Variants in ACTR8 observed in about 807,000 individuals in gnomAD.
The protein encoded by ACTR8 is actin-related protein 8.
A neutral mutation model predicts 84.3 loss-of-function variants in ACTR8; 70 were observed. That is an observed-to-expected ratio of 0.83 (90% CI 0.68 to 1.01). ACTR8 has a LOEUF of 1.01. ACTR8 is among the 50% of genes least tolerant of loss of function. ACTR8 has a pLI of 0.00. For missense variants in ACTR8, 672 were observed against 775.4 expected (o/e 0.87, Z 1.58); for synonymous variants, 268 against 275.2 (o/e 0.97, Z 0.26).
At chr3:53,877,048 G>A (rs1356425613) in intron 5 of ACTR8, among the ~76,000 whole-genome samples, 166 bp downstream of exon 5, 1 of 150,882 alleles carries the variant, frequency 6.6e-6, no homozygotes, top group Non-Finnish European at 1.5e-5. Context: ...GCACCAGAAG[G>A]GAATTAAGTG....
intron 7 of ACTR8, 59 bp from the exon 8 acceptor site, chr3:53,874,423 G>A (rs2107062096): frequency 6.5e-7 from 1 of 1,541,474 alleles, no homozygotes; most frequent in South Asian, 1.2e-5. Context: ...TGCAAAAGGT[G>A]TTTGAAGAAA....
Position 53,873,003 on chromosome 3 carries a change from A to G in ACTR8, c.1161+29T>C, listed in dbSNP as rs762458134. On this transcript the variant is annotated intron_variant, in intron 9 of 12. Transcript: ENST00000335754. Reference sequence around the variant, plus strand: ...ATTGAACCTGGATAACTTTCTTTCTACCCATGGAAACAGATACCTATAAGT... The same window carrying G: ...ATTGAACCTGGATAACTTTCTTTCTGCCCATGGAAACAGATACCTATAAGT... 8 of 1,526,928 alleles carry G rather than the reference A, an allele frequency of 5.2e-6. No homozygotes were observed. The South Asian group carries it at 9.2e-5, about 18-fold the overall frequency. 94.6% of individuals were successfully genotyped at this position (1,526,928 alleles called of 1,614,324 possible).
downstream of ACTR8, chr3:53,864,915 A>C: frequency 1.2e-6 from 2 of 1,614,252 alleles, no homozygotes; most frequent in South Asian, 2.2e-5. Context: ...AGAAAAAGAA[A>C]ATAGCAGAGA....
Position 53,869,992 on chromosome 3 carries a change from G to A in ACTR8, c.1721C>T (p.Thr574Ile). Residue 574 changes from threonine (T) to isoleucine (I), a missense_variant, in exon 12 of 13, where the codon ACA becomes ATA. Coordinates refer to ENST00000335754, the MANE Select transcript of ACTR8 (RefSeq NM_022899.5). ...RRIIENVDVI[T>I]RPKDMDPRLI... ...AATGAAACAACCTACCTTAGGCCTTGTGATCACATCCACATTTTCAATAAT... is the reference window on the plus strand; with the variant it reads ...AATGAAACAACCTACCTTAGGCCTTATGATCACATCCACATTTTCAATAAT... 6.2e-7 allele frequency: 1 copy of A among 1,614,122 alleles called. No individual in the cohort carries two copies.
rs1443457698 is a variant in ACTR8 at position 53,881,975 on chromosome 3, G to A, written c.123+4C>T. 6 of 1,554,764 alleles carry A rather than the reference G, an allele frequency of 3.9e-6. No homozygotes were observed. The highest frequency in any genetic ancestry group is 1.7e-4 in the Middle Eastern group (1 of 6,012). ...AAAGAGTTCCAACCCAGCCAGAGCCGCACCTCTTGCAGCGACTCCGGCACC... is the reference window on the plus strand; with the variant it reads ...AAAGAGTTCCAACCCAGCCAGAGCCACACCTCTTGCAGCGACTCCGGCACC... On this transcript the variant is annotated splice_donor_region_variant and intron_variant, in intron 1 of 12. Coordinates refer to ENST00000335754, the MANE Select transcript of ACTR8 (RefSeq NM_022899.5).
In ACTR8 at chr3:53,870,608, G is replaced by A. The variant is rs1284940946; in HGVS notation, c.1568-463C>T. Among the ~76,000 whole-genome samples the A allele has an allele frequency of 3.3e-5, 5 of 152,074 alleles. No homozygotes were observed. The highest frequency in any genetic ancestry group is 7.2e-5 in the African/African-American group (3 of 41,404). On this transcript the variant is annotated intron_variant, in intron 11 of 12. Coordinates refer to ENST00000335754, the MANE Select transcript of ACTR8 (RefSeq NM_022899.5). This position sits in a 1 kb window ranked among gnomAD's most constrained non-coding sequence, Gnocchi z 4.1. ...AGAGGTTGTGGTGAGCCGCAATCAC[G>A]CCATTGCACTCTAGCCTGGGCAATG...
intron 1 of ACTR8, chr3:53,881,584 C>T (rs1700060869): frequency 6.7e-6 from 2 of 299,570 alleles, no homozygotes; most frequent in Non-Finnish European, 6.3e-6. Context: ...CAGGCTGACG[C>T]TCCCAGTGAG....
rs563160137 is a variant in ACTR8, at chr3:53,868,697, G to A, written c.*22C>T. On this transcript the variant is annotated 3_prime_UTR_variant, in exon 13 of 13. Transcript: ENST00000335754. ...ACCAAGAAGCTTGTTTTTGGTCTTC[G>A]GCAGTGACATTTCCTCCCCATTCAC... 12 of 1,610,360 alleles carry A rather than the reference G, an allele frequency of 7.5e-6. No individual in the cohort carries two copies. The highest frequency in any genetic ancestry group is 4.0e-5 in the African/African-American group (3 of 74,750).
the ACTR8 span, chr3:53,861,296 CTTTTT>C: frequency 6.7e-6 from 1 of 149,706 alleles, no homozygotes; most frequent in East Asian, 2.0e-4. Context: ...GCAAAAAAAA[CTTTTT>C]TTTTTCATTA....
At chr3:53,877,540 G>T in intron 4 of ACTR8, 107 bp downstream of exon 4, 1 of 1,332,202 alleles carries the variant, frequency 7.5e-7, no homozygotes, top group Non-Finnish European at 1.0e-6. Flanking sequence ...CTCAAAGCAG[G>T]GTTATAGAAC....
chr3:53,879,175 A>AT (rs1458236233), intron 2 of ACTR8, among the ~76,000 whole-genome samples: 1 of 152,232 alleles, frequency 6.6e-6, no homozygotes, highest in Non-Finnish European at 1.5e-5. Flanking sequence ...TTTATTTCTT[A>AT]AACGTACTCC....
At chr3:53,864,878 G>T, downstream of ACTR8, 1 of 1,614,198 alleles carries the variant, frequency 6.2e-7, no homozygotes, top group Non-Finnish European at 8.5e-7. Flanking sequence ...AACCATTGCA[G>T]AAGTGAGGTC....
chr3:53,880,059 T>TA lies in ACTR8; in HGVS notation c.173dup (p.Leu58PhefsTer42), dbSNP rs1700035886. 6.2e-7 allele frequency: 1 copy of TA among 1,614,170 alleles called. No individual in the cohort carries two copies. The highest frequency in any genetic ancestry group is 8.5e-7 in the Non-Finnish European group (1 of 1,180,002). On this transcript the variant is annotated frameshift_variant, in exon 2 of 13. Transcript: ENST00000335754. LOFTEE classifies it high-confidence loss of function. ...GAGTGTCTGTGGCTCGACCAATCCT[T>TA]AAAGTTGTTGAACCTGGATGTATGA...
In ACTR8 at chr3:53,876,090, G is replaced by GA. The variant is rs1553706741; in HGVS notation, c.779-11dup. On this transcript the variant is annotated splice_polypyrimidine_tract_variant and intron_variant, in intron 6 of 12. Coordinates refer to ENST00000335754, the MANE Select transcript of ACTR8 (RefSeq NM_022899.5). Reference sequence around the variant, plus strand: ...TGATGGACCACAATCCCTGGGGGGGGAAAAGAAAAGGCAGAGTAGTCATTA... The same window carrying GA: ...TGATGGACCACAATCCCTGGGGGGGGAAAAAGAAAAGGCAGAGTAGTCATTA... The GA allele has an allele frequency of 0.045, 72,104 of 1,587,730 alleles. 2,542 individuals carry two copies. Among genetic ancestry groups the GA allele is most frequent in the Admixed American group, 0.22 (12,467 of 56,470 alleles).
At chr3:53,877,825 C>T (rs2107071360) in intron 3 of ACTR8, 74 bp from the exon 4 acceptor site, 1 of 1,277,122 alleles carries the variant, frequency 7.8e-7, no homozygotes, top group Non-Finnish European at 1.1e-6. Flanking sequence ...TCCTTTTCTT[C>T]TCTCTCACAT....
At chr3:53,876,782 TAG>T (rs1397358577) in intron 5 of ACTR8, 69 bp from the exon 6 acceptor site, 5 of 757,692 alleles carry the variant, frequency 6.6e-6, no homozygotes, top group Non-Finnish European at 8.6e-6. Context: ...CACTCCTTTT[TAG>T]AGAGACTTCC....
At chr3:53,872,270 A>C (rs551893536) in intron 10 of ACTR8, 114 bp downstream of exon 10, 4 of 1,166,620 alleles carry the variant, frequency 3.4e-6, no homozygotes, top group South Asian at 2.5e-5. Flanking sequence ...TCTAAAAGCT[A>C]TATCAGTGTT....
intron 1 of ACTR8, 194 bp downstream of exon 1, chr3:53,881,785 T>C (rs1700065330): frequency 2.3e-6 from 2 of 873,620 alleles, no homozygotes; most frequent in Non-Finnish European, 1.7e-6. Flanking sequence ...GCCTGGCTCC[T>C]GGCGCTCCGC....
At chr3:53,869,623 T>C (rs1699854002) in intron 12 of ACTR8, among the ~76,000 whole-genome samples, 1 of 152,224 alleles carries the variant, frequency 6.6e-6, no homozygotes, top group African/African-American at 2.4e-5. Context: ...TTAAAGATCA[T>C]CTGGTCCAGG....
Sources: allele counts gnomAD v4.1 joint callset (sites outside exome capture counted in the v4.1 genomes callset), GRCh38; gene constraint gnomAD v4.1.1; non-coding constraint Gnocchi (gnomAD v3.1); transcripts MANE v1.5; gene names NCBI Gene and HGNC (gene_info 2026-07-23, HGNC 2026-07-21).